The following AHI1 variants were observed in gnomAD, a reference collection of about 807,000 sequenced individuals.
AHI1 encodes the protein Abelson helper integration site 1.
Under a neutral mutation model 149.3 loss-of-function variants are expected in AHI1, and 123 were observed. The ratio of observed to expected loss-of-function variants is 0.82; its 90% CI spans 0.71 to 0.96. The LOEUF (loss-of-function observed/expected upper bound fraction) is 0.96, where lower values mean the gene tolerates loss of function less well. AHI1 is among the 40% of genes least tolerant of loss of function. The pLI is 0.00. For missense variants in AHI1, 1,439 were observed against 1,422.7 expected, an observed-to-expected ratio of 1.01 and a Z score of -0.18; for synonymous variants, 475 against 459.8, an observed-to-expected ratio of 1.03 and a Z score of -0.42.
chr6:135,407,465 T>C (rs1421607266), intron 21 of AHI1, among the ~76,000 whole-genome samples: 1 of 152,188 alleles, frequency 6.6e-6, no homozygotes, highest in Admixed American at 6.5e-5. Flanking sequence ...GAAAATACAT[T>C]GCAGATAGCA....
chr6:135,318,672 G>A, intron 25 of AHI1, 56 bp from the exon 26 acceptor site: 2 of 1,108,164 alleles, frequency 1.8e-6, no homozygotes, highest in South Asian at 1.8e-5. Flanking sequence ...GCTCCATGGG[G>A]GAAAAACAAC....
chr6:135,474,355 A>G (rs1199255306), intron 5 of AHI1: 1 of 152,192 alleles, frequency 6.6e-6, no homozygotes, highest in Non-Finnish European at 1.5e-5. Flanking sequence ...CAGGGTCTCC[A>G]GTACAATTGT....
chr6:135,429,796 A>T, intron 18 of AHI1, 86 bp downstream of exon 18: 1 of 827,654 alleles, frequency 1.2e-6, no homozygotes, highest in Non-Finnish European at 1.9e-6. Flanking sequence ...TGCTTAGTTG[A>T]GAACCACTAC....
chr6:135,454,414 A>G (rs73777536), intron 10 of AHI1, among the ~76,000 whole-genome samples: 9,977 of 152,256 alleles, frequency 0.066, 745 homozygotes, highest in African/African-American at 0.18. Flanking sequence ...AACAAAAATT[A>G]TAACTTATTT....
rs896913894 is a variant in AHI1 at position 135,331,517 on chromosome 6, T to C, written c.3166-8193A>G. Among the ~76,000 whole-genome samples the C allele has an allele frequency of 4.6e-5, 7 of 152,304 alleles. No homozygotes were observed. The East Asian group carries it at 1.2e-3, about 25-fold the overall frequency. ...ACATTAGGGGAATTCCTTTCTGTATTATCTTTCAAGGGATTAAATATTATT... is the reference window on the plus strand; with the variant it reads ...ACATTAGGGGAATTCCTTTCTGTATCATCTTTCAAGGGATTAAATATTATT... On this transcript the variant is annotated intron_variant, in intron 24 of 28. Coordinates refer to ENST00000265602, the MANE Select transcript of AHI1 (RefSeq NM_001134831.2).
chr6:135,488,881 C>T lies in AHI1; in HGVS notation c.135+1742G>A. 2.0e-5 allele frequency among the ~76,000 whole-genome samples: 3 copies of T among 152,204 alleles called. No homozygotes were observed. The Middle Eastern group carries it at 0.01, about 521-fold the overall frequency. On this transcript the variant is annotated intron_variant, in intron 5 of 28. Transcript: ENST00000265602. The stretch of plus-strand genomic sequence containing the variant: ...AGGCAGTGGATTCTGCACTTCCACT[C>T]AGTGTTTGAATCCTGGTTCTACCAT...
At chr6:135,311,699 T>C (rs996595968) in intron 26 of AHI1, among the ~76,000 whole-genome samples, 1 of 152,190 alleles carries the variant, frequency 6.6e-6, no homozygotes, top group Non-Finnish European at 1.5e-5. Context: ...AGAACAAAGT[T>C]TGTCAGCACT....
chr6:135,362,110 G>T (rs1455201113), intron 23 of AHI1, among the ~76,000 whole-genome samples: 1 of 152,102 alleles, frequency 6.6e-6, no homozygotes, highest in Non-Finnish European at 1.5e-5. Context: ...CATGGTGTGT[G>T]TGTGTAGGTG....
chr6:135,489,895 C>CAAAAAAA, intron 5 of AHI1: 1 of 140,600 alleles, frequency 7.1e-6, no homozygotes. Context: ...AAACTCCTGC[C>CAAAAAAA]AAAAAAAAAA....
intron 23 of AHI1, among the ~76,000 whole-genome samples, chr6:135,384,704 T>C (rs1422857272): frequency 6.6e-6 from 1 of 152,228 alleles, no homozygotes; most frequent in African/African-American, 2.4e-5. Context: ...CTTTATATTG[T>C]AACATCTGAT....
chr6:135,354,976 T>A (rs1252552498), intron 24 of AHI1, among the ~76,000 whole-genome samples: 3 of 152,142 alleles, frequency 2.0e-5, no homozygotes, highest in Non-Finnish European at 4.4e-5. Flanking sequence ...ATGTCCAATG[T>A]CTCTTCTGCA....
chr6:135,379,054 C>T (rs1776328699), intron 23 of AHI1, among the ~76,000 whole-genome samples: 1 of 152,174 alleles, frequency 6.6e-6, no homozygotes, highest in South Asian at 2.1e-4. Flanking sequence ...CCAAAATACA[C>T]TGTATAGTTC....
intron 22 of AHI1, 100 bp from the exon 23 acceptor site, chr6:135,394,996 C>T: frequency 2.5e-6 from 3 of 1,218,024 alleles, no homozygotes; most frequent in Non-Finnish European, 3.4e-6. Flanking sequence ...AACCAGGACA[C>T]ATGATAGGTC....
intron 19 of AHI1, among the ~76,000 whole-genome samples, chr6:135,427,845 G>A (rs1784116643): frequency 6.6e-6 from 1 of 151,234 alleles, no homozygotes; most frequent in Admixed American, 6.6e-5. Context: ...AAATCAGTCA[G>A]GAGTCAAAAA....
intron 5 of AHI1, among the ~76,000 whole-genome samples, chr6:135,476,266 T>C (rs1236710949): frequency 3.9e-5 from 6 of 152,182 alleles, no homozygotes; most frequent in Admixed American, 3.3e-4. Flanking sequence ...AGATAACTTT[T>C]GGTTAACTAT....
intron 8 of AHI1, among the ~76,000 whole-genome samples, chr6:135,461,040 C>T (rs1789799298): frequency 6.6e-6 from 1 of 150,788 alleles, no homozygotes; most frequent in African/African-American, 2.5e-5. Context: ...CAGCACTTAC[C>T]ATCAAAGGAA....
At chr6:135,383,843 T>C (rs1013237221) in intron 23 of AHI1, among the ~76,000 whole-genome samples, 1 of 152,180 alleles carries the variant, frequency 6.6e-6, no homozygotes, top group Admixed American at 6.5e-5. Context: ...AAAAATAAAG[T>C]TATGCCTGGT....
At chr6:135,467,061 G>C (rs1475535521) in intron 6 of AHI1, among the ~76,000 whole-genome samples, 3 of 152,180 alleles carry the variant, frequency 2.0e-5, no homozygotes, top group Admixed American at 2.0e-4. Flanking sequence ...GAGCTGGGAT[G>C]AACAGCTCTG....
At chr6:135,360,192 A>C (rs1249180555) in intron 23 of AHI1, among the ~76,000 whole-genome samples, 1 of 152,206 alleles carries the variant, frequency 6.6e-6, no homozygotes, top group African/African-American at 2.4e-5. Flanking sequence ...AATGTATAAC[A>C]ATAATTGAAA....
Sources: gnomAD v4.1 joint callset for allele counts (sites outside exome capture counted in the v4.1 genomes callset) on GRCh38, gnomAD v4.1.1 for gene constraint, MANE v1.5 for transcripts, NCBI Gene and HGNC (gene_info 2026-07-23, HGNC 2026-07-21) for gene names.